The following NLGN1 variants were observed in gnomAD, a reference collection of about 807,000 sequenced individuals.
The protein encoded by NLGN1 is neuroligin-1.
In NLGN1, 12 loss-of-function variants were observed where a neutral mutation model predicts 65.5. That is an observed-to-expected ratio of 0.18 (90% CI 0.12 to 0.30). NLGN1 has a LOEUF of 0.30. Ranked by LOEUF, NLGN1 falls within the 10% of genes least tolerant of loss-of-function variation. NLGN1 has a pLI of 1.00. For missense variants in NLGN1, 750 were observed against 1,007.1 expected (o/e 0.74, Z 3.46); for synonymous variants, 350 against 359.5 (o/e 0.97, Z 0.30).
At chr3:173,757,804 G>A (rs897383491) in intron 3 of NLGN1, among the ~76,000 whole-genome samples, 2 of 151,970 alleles carry the variant, frequency 1.3e-5, no homozygotes, top group Admixed American at 6.6e-5. Flanking sequence ...AAAAGCCCAC[G>A]TACTTCAAAA....
At chr3:173,998,021 A>G (rs1378965101) in intron 4 of NLGN1, among the ~76,000 whole-genome samples, 2 of 152,172 alleles carry the variant, frequency 1.3e-5, no homozygotes, top group Non-Finnish European at 2.9e-5. Context: ...ACTGAGCCAT[A>G]CTTGAGATTA....
chr3:173,953,340 A>G (rs1748592988), intron 4 of NLGN1, among the ~76,000 whole-genome samples: 1 of 152,174 alleles, frequency 6.6e-6, no homozygotes, highest in Non-Finnish European at 1.5e-5. Context: ...TAAACAAAAA[A>G]TAATACTTAT....
intron 2 of NLGN1, among the ~76,000 whole-genome samples, chr3:173,578,920 A>AT (rs544304178): frequency 3.0e-3 from 457 of 152,340 alleles, no homozygotes; most frequent in Non-Finnish European, 5.2e-3. Context: ...AAATTTCTAT[A>AT]TTTTTCAATT....
chr3:173,880,537 C>A (rs1039061234), intron 4 of NLGN1, among the ~76,000 whole-genome samples: 1 of 151,216 alleles, frequency 6.6e-6, no homozygotes, highest in Non-Finnish European at 1.5e-5. Flanking sequence ...TTACCCTATA[C>A]TGTTGTCCAT....
chr3:173,515,128 C>T (rs1733614656), intron 2 of NLGN1, among the ~76,000 whole-genome samples: 2 of 152,102 alleles, frequency 1.3e-5, no homozygotes, highest in Non-Finnish European at 2.9e-5. Context: ...CAACAGTGCG[C>T]AAGGGCAACA....
intron 3 of NLGN1, among the ~76,000 whole-genome samples, chr3:173,712,234 G>T (rs1388280014): frequency 2.6e-5 from 4 of 152,072 alleles, no homozygotes; most frequent in African/African-American, 9.7e-5. Flanking sequence ...ACTCAGTGAG[G>T]TAAGTATTGT....
chr3:173,615,297 T>C (rs1752888398), intron 3 of NLGN1, among the ~76,000 whole-genome samples: 2 of 152,148 alleles, frequency 1.3e-5, no homozygotes, highest in African/African-American at 4.8e-5. Flanking sequence ...CCAGTTTGGC[T>C]GTTTCCTGTC....
intron 4 of NLGN1, among the ~76,000 whole-genome samples, chr3:174,149,917 A>G (rs1214299420): frequency 6.6e-6 from 1 of 152,122 alleles, no homozygotes; most frequent in Non-Finnish European, 1.5e-5. Flanking sequence ...GTGACTTAAA[A>G]AGTCATATTT....
rs139892238 is a variant in NLGN1 at position 174,196,990 on chromosome 3, ATAAAT to A, written c.647-78324_647-78320del. ...TCAAACTCCAGAGTCTGTGCTTTCA[ATAAAT>A]ATTTAATTTTGTCAATTTATAACAA... is the stretch of plus-strand genomic sequence containing the variant. On this transcript the variant is annotated intron_variant, in intron 4 of 6. Coordinates refer to ENST00000457714, the Ensembl canonical transcript of NLGN1. 3.1e-3 allele frequency among the ~76,000 whole-genome samples: 467 copies of A among 152,292 alleles called. 1 individual carries two copies. Among genetic ancestry groups the A allele is most frequent in the African/African-American group, 9.7e-3 (405 of 41,550 alleles).
intron 4 of NLGN1, among the ~76,000 whole-genome samples, chr3:174,100,595 C>T (rs1443864209): frequency 2.6e-5 from 4 of 152,072 alleles, no homozygotes; most frequent in African/African-American, 9.7e-5. Context: ...ATGCTGGCTT[C>T]CAGCCACACG....
chr3:174,019,997 C>G (rs1294128701), intron 4 of NLGN1, among the ~76,000 whole-genome samples: 1 of 152,008 alleles, frequency 6.6e-6, no homozygotes, highest in Non-Finnish European at 1.5e-5. Flanking sequence ...AGGTTAGAGG[C>G]TTCATATATT....
At chr3:173,844,685 C>G (rs1263568371) in intron 4 of NLGN1, among the ~76,000 whole-genome samples, 1 of 152,100 alleles carries the variant, frequency 6.6e-6, no homozygotes, top group African/African-American at 2.4e-5. Context: ...AAGGAAGGGA[C>G]AATGAATAAT....
At chr3:173,787,619 A>G (rs1578430397) in intron 3 of NLGN1, among the ~76,000 whole-genome samples, 1 of 152,232 alleles carries the variant, frequency 6.6e-6, no homozygotes, top group East Asian at 1.9e-4. Context: ...GGAAAAATCC[A>G]TAAAGCATGA....
upstream of NLGN1, among the ~76,000 whole-genome samples, chr3:173,395,996 A>AG (rs557341022): frequency 2.2e-3 from 336 of 152,118 alleles, 1 homozygote; most frequent in African/African-American, 7.9e-3. Context: ...GGAGAGGGAG[A>AG]GAGAGAAGGT....
intron 4 of NLGN1, among the ~76,000 whole-genome samples, chr3:174,115,835 CTTTA>C (rs1434530808): frequency 6.6e-6 from 1 of 152,142 alleles, no homozygotes; most frequent in Admixed American, 6.6e-5. Flanking sequence ...AGCTTTAATG[CTTTA>C]TTTGCTCAAT....
At chr3:173,507,704 C>T (rs1277624049) in intron 2 of NLGN1, among the ~76,000 whole-genome samples, 1 of 151,668 alleles carries the variant, frequency 6.6e-6, no homozygotes, top group Non-Finnish European at 1.5e-5. Flanking sequence ...CATATATATT[C>T]CTGCCTACAT....
intron 4 of NLGN1, among the ~76,000 whole-genome samples, chr3:173,994,964 A>G (rs1262269063): frequency 6.6e-6 from 1 of 152,202 alleles, no homozygotes; most frequent in Admixed American, 6.5e-5. Flanking sequence ...TAGTAGATAT[A>G]TAAAAAAAAT....
intron 3 of NLGN1, among the ~76,000 whole-genome samples, chr3:173,720,575 A>G (rs1398696671): frequency 2.6e-5 from 4 of 152,212 alleles, no homozygotes; most frequent in Non-Finnish European, 5.9e-5. Context: ...TAGAAACAAC[A>G]TATCTTTCAT....
chr3:173,401,086 C>T (rs1005811110), intron 1 of NLGN1, among the ~76,000 whole-genome samples: 3 of 152,118 alleles, frequency 2.0e-5, no homozygotes, highest in African/African-American at 7.2e-5. Flanking sequence ...AGTATTCTAC[C>T]TCAGGGTTTC....
Sources: gnomAD v4.1 joint callset for allele counts (sites outside exome capture counted in the v4.1 genomes callset) on GRCh38, gnomAD v4.1.1 for gene constraint, MANE v1.5 for transcripts, NCBI Gene and HGNC (gene_info 2026-07-23, HGNC 2026-07-21) for gene names.